SDAD1: variants seen among roughly 807,000 people sequenced by gnomAD.
SDAD1 encodes the protein protein SDA1 homolog.
SDAD1 carries 79 observed loss-of-function variants against 100.3 expected under a neutral mutation model. The observed-to-expected ratio is 0.79, with a 90% CI of 0.66 to 0.95. The LOEUF (loss-of-function observed/expected upper bound fraction) is 0.95, where lower values mean the gene tolerates loss of function less well. Ranked by LOEUF, SDAD1 falls within the 40% of genes least tolerant of loss-of-function variation. The probability of loss-of-function intolerance (pLI) is 0.00; values close to 1 mark genes in which losing one functional copy is unlikely to be tolerated. For missense variants in SDAD1, 790 were observed against 810.9 expected, an observed-to-expected ratio of 0.97 and a Z score of 0.31; for synonymous variants, 267 against 271.4, an observed-to-expected ratio of 0.98 and a Z score of 0.16.
At position 75,967,329 on chromosome 4, in the gene SDAD1, G is replaced by C; in HGVS notation, c.993C>G (p.Phe331Leu). Residue 331 changes from phenylalanine to leucine, a missense_variant, in exon 12 of 22, where the codon TTC becomes TTG. Phe to Leu is a conservative substitution (Grantham distance 22, BLOSUM62 0). Transcript: ENST00000356260. ...GCAAAAAGGGATAGAAATTGAAGAG[G>C]AAAAGCTGTGGAGAGAAAACCGACT... is the stretch of plus-strand genomic sequence containing the variant. ...ISRLVGIHEL[F>L]LFNFYPFLQR... is the part of the protein sequence containing the mutation. 1 of 1,614,050 alleles carries C rather than the reference G, an allele frequency of 6.2e-7. No homozygotes were observed. The highest frequency in any genetic ancestry group is 8.5e-7 in the Non-Finnish European group (1 of 1,179,958).
intron 1 of SDAD1, among the ~76,000 whole-genome samples, chr4:75,985,974 G>A (rs1227302307): frequency 5.9e-5 from 9 of 152,076 alleles, no homozygotes; most frequent in East Asian, 1.9e-4. Context: ...ACCTCCATGC[G>A]TATACTTCAA....
chr4:75,954,939 GTC>G (rs1728809565), intron 21 of SDAD1, among the ~76,000 whole-genome samples: 1 of 152,152 alleles, frequency 6.6e-6, no homozygotes, highest in Non-Finnish European at 1.5e-5. Flanking sequence ...GCTCTTGTAG[GTC>G]TCTTCAAGAG....
At chr4:75,979,482 T>A (rs114946182) in intron 3 of SDAD1, among the ~76,000 whole-genome samples, 3,512 of 151,840 alleles carry the variant, frequency 0.023, 124 homozygotes, top group African/African-American at 0.077. Flanking sequence ...TATTATTATT[T>A]TTTTTTTTTG....
chr4:75,960,954 A>T (rs1729194556), intron 16 of SDAD1, 74 bp downstream of exon 16: 2 of 1,221,484 alleles, frequency 1.6e-6, no homozygotes, highest in Non-Finnish European at 1.2e-6. Context: ...AAGTACTAAA[A>T]TCCTAATTGT....
At chr4:75,975,261 A>C (rs1411397967) in intron 6 of SDAD1, among the ~76,000 whole-genome samples, 5 of 152,192 alleles carry the variant, frequency 3.3e-5, no homozygotes, top group African/African-American at 1.2e-4. Flanking sequence ...AGAAAAGCAA[A>C]AGAAATGAGT....
intron 4 of SDAD1, among the ~76,000 whole-genome samples, chr4:75,977,333 G>C (rs904877752): frequency 5.3e-5 from 8 of 152,166 alleles, no homozygotes; most frequent in African/African-American, 1.7e-4. Context: ...AGCAGTGTGA[G>C]AGTGGGCAAG....
intron 1 of SDAD1, among the ~76,000 whole-genome samples, chr4:75,989,478 T>C (rs61487959): frequency 3.3e-5 from 5 of 152,082 alleles, no homozygotes; most frequent in Admixed American, 1.3e-4. Context: ...AACGCCTACC[T>C]AGAATAACAA....
At chr4:75,983,400 C>A (rs763014789) in intron 1 of SDAD1, among the ~76,000 whole-genome samples, 26 of 152,228 alleles carry the variant, frequency 1.7e-4, no homozygotes, top group Non-Finnish European at 3.4e-4. Context: ...CTAATTTACA[C>A]TCCCACCAAC....
chr4:75,958,971 G>A (rs1174363524), intron 17 of SDAD1, among the ~76,000 whole-genome samples: 18 of 151,224 alleles, frequency 1.2e-4, no homozygotes, highest in Admixed American at 9.9e-4. Context: ...GGTGGCGGGC[G>A]CCTGTAGTCC....
chr4:75,952,711 C>A (rs1431993544), intron 21 of SDAD1, among the ~76,000 whole-genome samples: 1 of 152,120 alleles, frequency 6.6e-6, no homozygotes, highest in Non-Finnish European at 1.5e-5. Flanking sequence ...CTGTTGTGTC[C>A]AATAGGGTAG....
intron 21 of SDAD1, among the ~76,000 whole-genome samples, chr4:75,951,919 G>A (rs1305904299): frequency 2.0e-5 from 3 of 151,994 alleles, no homozygotes; most frequent in Non-Finnish European, 4.4e-5. Flanking sequence ...TAAAATTCTA[G>A]CTTAAATTTT....
rs1014350512 is a variant in SDAD1 at position 75,977,866 on chromosome 4, G to C, written c.295-110C>G. 1.1e-5 allele frequency: 7 copies of C among 657,818 alleles called. 1 individual carries two copies. The highest frequency in any genetic ancestry group is 5.0e-4 in the Middle Eastern group (2 of 3,986). 40.7% of individuals were successfully genotyped at this position (657,818 alleles called of 1,614,324 possible). A position where few individuals can be genotyped will look rare whatever the true frequency, so the allele number is the denominator to read the frequency against. On this transcript the variant is annotated intron_variant, in intron 3 of 21. Transcript: ENST00000356260. ...TGTCTTTTACTAACTAGACACTATT[G>C]TAGGATTCAGAATAGTCAGTCTCTG...
chr4:75,972,390 G>C (rs1056011830), intron 8 of SDAD1, among the ~76,000 whole-genome samples: 9 of 150,426 alleles, frequency 6.0e-5, no homozygotes, highest in Non-Finnish European at 1.2e-4. Flanking sequence ...TCACAGTGAA[G>C]GTCCGCGGCT....
chr4:75,964,807 T>C (rs1020735296), intron 13 of SDAD1, among the ~76,000 whole-genome samples: 1 of 152,198 alleles, frequency 6.6e-6, no homozygotes, highest in African/African-American at 2.4e-5. Flanking sequence ...TGAACATAAA[T>C]TGTGAAGATT....
chr4:75,959,615 A>G (rs1441407491), intron 17 of SDAD1, among the ~76,000 whole-genome samples: 1 of 152,120 alleles, frequency 6.6e-6, no homozygotes, highest in East Asian at 1.9e-4. Context: ...GAAAAAAAAA[A>G]AAGATTTGCT....
chr4:75,975,024 G>A (rs994355172), intron 6 of SDAD1, among the ~76,000 whole-genome samples: 6 of 151,786 alleles, frequency 4.0e-5, no homozygotes, highest in Non-Finnish European at 5.9e-5. Flanking sequence ...CCTGGTGACA[G>A]AGCAAGACTT....
At chr4:75,982,913 T>C (rs1052375056) in intron 1 of SDAD1, among the ~76,000 whole-genome samples, 3 of 151,942 alleles carry the variant, frequency 2.0e-5, no homozygotes, top group South Asian at 4.2e-4. Flanking sequence ...GTCATCCACA[T>C]TAGGTATTTC....
At position 75,957,212 on chromosome 4, in the gene SDAD1, C is replaced by T. The variant is rs956410598; in HGVS notation, c.1854+113G>A. Reference sequence around the variant, plus strand: ...CATTTTAATTTCTGTGTTAATTATACCTTTATTTAAAACATTTTTAAAAAT... The same window carrying T: ...CATTTTAATTTCTGTGTTAATTATATCTTTATTTAAAACATTTTTAAAAAT... On this transcript the variant is annotated intron_variant, in intron 20 of 21. Coordinates refer to ENST00000356260, the MANE Select transcript of SDAD1 (RefSeq NM_018115.4). 1.4e-5 allele frequency: 11 copies of T among 784,338 alleles called. No individual in the cohort carries two copies. The African/African-American group carries it at 1.9e-4, about 14-fold the overall frequency. The allele number at this position is 784,338 out of a possible 1,614,324, so 48.6% of individuals were successfully genotyped here. A position where few individuals can be genotyped will look rare whatever the true frequency, so the allele number is the denominator to read the frequency against.
chr4:75,955,992 A>T lies in SDAD1; in HGVS notation c.1999T>A (p.Ser667Thr), dbSNP rs759681675. 1.1e-5 allele frequency: 17 copies of T among 1,598,414 alleles called. No homozygotes were observed. The highest frequency in any genetic ancestry group is 1.4e-5 in the African/African-American group (1 of 73,610). Residue 667 changes from serine (S) to threonine (T), a missense_variant, in exon 21 of 22, where the codon TCC becomes ACC. Coordinates refer to ENST00000356260, the MANE Select transcript of SDAD1 (RefSeq NM_018115.4). ...SQNVRSKNKR[S>T]FREKQLALRD... Reference sequence around the variant, plus strand: ...GAACTCACCTGTTTTTCTCGGAAGGAACGCTTATTTTTTGACCGGACATTC... The same window carrying T: ...GAACTCACCTGTTTTTCTCGGAAGGTACGCTTATTTTTTGACCGGACATTC...
Sources: gnomAD v4.1 joint callset for allele counts (sites outside exome capture counted in the v4.1 genomes callset) on GRCh38, gnomAD v4.1.1 for gene constraint, MANE v1.5 for transcripts, NCBI Gene and HGNC (gene_info 2026-07-23, HGNC 2026-07-21) for gene names.